Variants in DAG1 observed in about 807,000 individuals in gnomAD.
DAG1 encodes the protein dystroglycan 1 (dystrophin-associated glycoprotein 1).
A neutral mutation model predicts 46.1 loss-of-function variants in DAG1; 8 were observed. That is an observed-to-expected ratio of 0.17 (90% CI 0.10 to 0.31). The LOEUF (loss-of-function observed/expected upper bound fraction) is 0.31. Ranked by LOEUF, DAG1 falls within the 10% of genes least tolerant of loss-of-function variation. The probability of loss-of-function intolerance (pLI) is 1.00; values close to 1 mark genes in which losing one functional copy is unlikely to be tolerated. For missense variants in DAG1, 1,003 were observed against 1,189.9 expected (o/e 0.84, Z 2.31); for synonymous variants, 495 against 481.8 (o/e 1.03, Z -0.36).
chr3:49,484,304 C>T (rs1372654582), intron 1 of DAG1, among the ~76,000 whole-genome samples: 1 of 152,056 alleles, frequency 6.6e-6, no homozygotes. Context: ...GGGGAGAAAT[C>T]TTAGCAGGAG....
chr3:49,492,015 C>T (rs770546851), intron 1 of DAG1, among the ~76,000 whole-genome samples: 29 of 150,562 alleles, frequency 1.9e-4, no homozygotes, highest in Non-Finnish European at 3.6e-4. Context: ...CGACCTCTGC[C>T]TCCCGGGTTC....
chr3:49,525,515 A>G (rs2051144445), intron 2 of DAG1, among the ~76,000 whole-genome samples: 1 of 151,702 alleles, frequency 6.6e-6, no homozygotes, highest in Non-Finnish European at 1.5e-5. Flanking sequence ...GGCGCTTCAC[A>G]CGGCTGGCCG....
At chr3:49,503,697 A>G (rs1225705982) in intron 1 of DAG1, among the ~76,000 whole-genome samples, 1 of 152,086 alleles carries the variant, frequency 6.6e-6, no homozygotes, top group Admixed American at 6.6e-5. Context: ...GTGTGGTAGC[A>G]CATGCCTGTG....
intron 1 of DAG1, among the ~76,000 whole-genome samples, chr3:49,496,260 C>T (rs931546027): frequency 6.6e-6 from 1 of 152,060 alleles, no homozygotes; most frequent in African/African-American, 2.4e-5. Flanking sequence ...GCAGCCTCAA[C>T]CTCCCAGGCT....
intron 1 of DAG1, among the ~76,000 whole-genome samples, chr3:49,487,769 G>A (rs967691206): frequency 1.1e-4 from 15 of 142,202 alleles, no homozygotes; most frequent in Admixed American, 4.6e-4. Flanking sequence ...GCGTGATCTC[G>A]GCTCACTGCA....
rs555051245 is a variant in DAG1 at position 49,530,883 on chromosome 3, T to G, written c.372T>G (p.Thr124=). The change falls in exon 3 of 3, where the codon ACT becomes ACG. Residue 124 remains threonine, a synonymous_variant. Transcript: ENST00000308775. ...CCCTGGAGGGCCTCCCCCTTGACACTGATAAGGGTGTGCATTACATTTCAG... is the reference window on the plus strand; with the variant it reads ...CCCTGGAGGGCCTCCCCCTTGACACGGATAAGGGTGTGCATTACATTTCAG... The part of the protein sequence containing the change: ...SHTLEGLPLD[T]DKGVHYISVS... 7.4e-5 allele frequency: 120 copies of G among 1,614,118 alleles called. 4 individuals carry two copies. The South Asian group carries it at 1.3e-3, about 17-fold the overall frequency.
intron 1 of DAG1, among the ~76,000 whole-genome samples, chr3:49,479,311 GA>G (rs1347829553): frequency 7.2e-6 from 1 of 138,180 alleles, no homozygotes; most frequent in African/African-American, 2.7e-5. Context: ...TTTGAGTATA[GA>G]TTTTTTTTTT....
Position 49,530,923 on chromosome 3 carries a change from C to T in DAG1, c.412C>T (p.Leu138=), listed in dbSNP as rs760490611. Residue 138 remains leucine (L), a synonymous_variant, in exon 3 of 3, where the codon CTG becomes TTG. Transcript: ENST00000308775. ...TTACATTTCAGTGAGCGCTACACGG[C>T]TGGGGGCCAACGGGAGCCACATCCC... is the stretch of plus-strand genomic sequence containing the variant. ...VHYISVSATR[L]GANGSHIPQT... The T allele has an allele frequency of 3.7e-6, 6 of 1,614,158 alleles. No individual in the cohort carries two copies. The highest frequency in any genetic ancestry group is 5.1e-6 in the Non-Finnish European group (6 of 1,180,018).
chr3:49,525,698 A>G (rs149364645), intron 2 of DAG1, among the ~76,000 whole-genome samples: 5,569 of 151,218 alleles, frequency 0.037, 343 homozygotes, highest in African/African-American at 0.13. Flanking sequence ...AGCTGGGACT[A>G]CAGGCGCCCG....
chr3:49,526,402 T>C (rs181911373), intron 2 of DAG1, among the ~76,000 whole-genome samples: 3 of 152,284 alleles, frequency 2.0e-5, no homozygotes, highest in Admixed American at 2.0e-4. Flanking sequence ...TGCAAAGCCA[T>C]GGGTAGACAA....
Position 49,531,224 on chromosome 3 carries a change from T to C in DAG1, c.713T>C (p.Met238Thr), listed in dbSNP as rs750600917. The C allele has an allele frequency of 6.2e-7, 1 of 1,614,148 alleles. No individual in the cohort carries two copies. Among genetic ancestry groups the C allele is most frequent in the African/African-American group, 1.3e-5 (1 of 75,014 alleles). ...VPVVNNRLFD[M>T]SAFMAGPGNA... Reference sequence around the variant, plus strand: ...GTGGTGAATAACAGACTATTTGACATGTCGGCCTTCATGGCTGGCCCGGGA... The same window carrying C: ...GTGGTGAATAACAGACTATTTGACACGTCGGCCTTCATGGCTGGCCCGGGA... Residue 238 changes from methionine to threonine, a missense_variant, in exon 3 of 3, where the codon ATG becomes ACG. Coordinates refer to ENST00000308775, the MANE Select transcript of DAG1 (RefSeq NM_004393.6). This position sits in a 1 kb window ranked among gnomAD's most constrained non-coding sequence, Gnocchi z 7.0.
intron 1 of DAG1, among the ~76,000 whole-genome samples, chr3:49,495,697 G>A (rs559445132): frequency 2.4e-4 from 36 of 152,166 alleles, no homozygotes; most frequent in South Asian, 8.3e-4. Context: ...TGAGGCGAGC[G>A]GATCACAATG....
intron 2 of DAG1, among the ~76,000 whole-genome samples, chr3:49,512,120 C>T (rs1045082306): frequency 3.9e-4 from 59 of 152,068 alleles, no homozygotes; most frequent in African/African-American, 1.4e-3. Context: ...CAGCCTTAAC[C>T]TCCCAGGCTT....
chr3:49,469,042 AT>A (rs1381161469), upstream of DAG1: 1 of 152,084 alleles, frequency 6.6e-6, no homozygotes, highest in Non-Finnish European at 1.5e-5. Flanking sequence ...TGAAGTATAG[AT>A]AATTGCAAAA....
chr3:49,477,791 G>A (rs1195715660), intron 1 of DAG1, among the ~76,000 whole-genome samples: 2 of 151,930 alleles, frequency 1.3e-5, no homozygotes, highest in African/African-American at 2.4e-5. Context: ...GCGAAACCCT[G>A]TCTCTGATAA....
At chr3:49,513,738 C>T (rs1251047783) in intron 2 of DAG1, among the ~76,000 whole-genome samples, 2 of 152,180 alleles carry the variant, frequency 1.3e-5, no homozygotes, top group African/African-American at 4.8e-5. Flanking sequence ...CAGAGCTCTT[C>T]CTAGTTTGCA....
intron 1 of DAG1, among the ~76,000 whole-genome samples, chr3:49,479,992 C>A (rs965391618): frequency 8.5e-6 from 1 of 117,832 alleles, no homozygotes; most frequent in Non-Finnish European, 1.8e-5. Flanking sequence ...CTCTGTCACC[C>A]AGGCTGGAGT....
chr3:49,488,492 A>G (rs1475376098), intron 1 of DAG1: 5 of 152,344 alleles, frequency 3.3e-5, no homozygotes, highest in Middle Eastern at 3.4e-3. Context: ...AAGATATGCA[A>G]GATACTTAGA....
At chr3:49,509,738 T>G (rs1373963430) in intron 1 of DAG1, among the ~76,000 whole-genome samples, 1 of 98,212 alleles carries the variant, frequency 1.0e-5, no homozygotes, top group South Asian at 2.5e-4. Context: ...TATTTTATTG[T>G]TTTTTTTTGA....
Sources: allele counts gnomAD v4.1 joint callset (sites outside exome capture counted in the v4.1 genomes callset), GRCh38; gene constraint gnomAD v4.1.1; non-coding constraint Gnocchi (gnomAD v3.1); transcripts MANE v1.5; gene names NCBI Gene and HGNC (gene_info 2026-07-23, HGNC 2026-07-21).